Variants in RGS3 observed in about 807,000 individuals in gnomAD.
RGS3 encodes regulator of G-protein signalling 3.
RGS3 carries 80 observed loss-of-function variants against 132.6 expected under a neutral mutation model. That is an observed-to-expected ratio of 0.60 (90% confidence interval 0.50 to 0.73). The LOEUF is 0.73. Among genes scored for constraint, RGS3 ranks in the 30% least tolerant of loss-of-function variants. The pLI is 0.00. For missense variants in RGS3, 1,382 were observed against 1,530.8 expected, an observed-to-expected ratio of 0.90 and a Z score of 1.62; for synonymous variants, 598 against 620.6, an observed-to-expected ratio of 0.96 and a Z score of 0.54.
At chr9:113,450,903 G>A (rs1248755620) in intron 1 of RGS3, among the ~76,000 whole-genome samples, 1 of 152,152 alleles carries the variant, frequency 6.6e-6, no homozygotes, top group Non-Finnish European at 1.5e-5. Context: ...CCCCAGGCCG[G>A]GCACAGTGGC....
At chr9:113,461,494 A>G (rs1829469190) in intron 1 of RGS3, among the ~76,000 whole-genome samples, 1 of 152,184 alleles carries the variant, frequency 6.6e-6, no homozygotes, top group Non-Finnish European at 1.5e-5. Context: ...AGCTTCCAGC[A>G]CGCTACTGAG....
intron 19 of RGS3, among the ~76,000 whole-genome samples, chr9:113,560,661 G>A (rs1465311339): frequency 6.6e-6 from 1 of 152,236 alleles, no homozygotes; most frequent in East Asian, 1.9e-4. Context: ...CGACTCTGCA[G>A]TGGGGAGGGC....
At chr9:113,486,954 A>G (rs951109261) in intron 7 of RGS3, among the ~76,000 whole-genome samples, 1 of 152,138 alleles carries the variant, frequency 6.6e-6, no homozygotes, top group Non-Finnish European at 1.5e-5. Context: ...GGATGCATGC[A>G]TAGGGTCAAA....
intron 7 of RGS3, among the ~76,000 whole-genome samples, chr9:113,487,050 T>C (rs1242811766): frequency 7.0e-6 from 1 of 143,476 alleles, no homozygotes; most frequent in African/African-American, 2.5e-5. Flanking sequence ...AATTGCTGAC[T>C]GGGTGCTGAC....
At chr9:113,522,705 A>T (rs1564523304) in intron 16 of RGS3, 1 of 547,006 alleles carries the variant, frequency 1.8e-6, no homozygotes, top group East Asian at 3.1e-5. Flanking sequence ...TCCTACTTTG[A>T]GGAGTGGAAG....
chr9:113,479,621 G>GCA, intron 4 of RGS3, 80 bp downstream of exon 2: 1 of 1,305,946 alleles, frequency 7.7e-7, no homozygotes, highest in Non-Finnish European at 1.1e-6. Flanking sequence ...TTGGGGGATG[G>GCA]TGGCACCATG....
At chr9:113,595,919 G>A (rs908856669) in intron 24 of RGS3, among the ~76,000 whole-genome samples, 154 bp downstream of exon 22, 1 of 152,202 alleles carries the variant, frequency 6.6e-6, no homozygotes, top group Non-Finnish European at 1.5e-5. Flanking sequence ...CTAGGATCAG[G>A]GGAAGAACAG....
At chr9:113,542,740 G>A (rs750833592) in intron 19 of RGS3, among the ~76,000 whole-genome samples, 7 of 152,226 alleles carry the variant, frequency 4.6e-5, no homozygotes, top group Admixed American at 6.5e-5. Context: ...TGAGTGCTCA[G>A]CCTGGCCCAG....
rs532573793 is a variant in RGS3, at chr9:113,570,964, G to A, written c.2038-12486G>A. Among the ~76,000 whole-genome samples, 32 of 152,260 alleles carry A rather than the reference G, an allele frequency of 2.1e-4. No individual in the cohort carries two copies. The South Asian group carries it at 3.7e-3, about 18-fold the overall frequency. On this transcript the variant is annotated intron_variant, in intron 19 of 24. Coordinates refer to ENST00000350696, the Ensembl canonical transcript of RGS3. The stretch of plus-strand genomic sequence containing the variant: ...GTCCTGACTTCTCTCATCGATGAGC[G>A]TAGCCTATCCTTGAATTTTGTGTAA...
intron 10 of RGS3, among the ~76,000 whole-genome samples, chr9:113,500,528 A>C (rs1267863915): frequency 6.6e-6 from 1 of 151,996 alleles, no homozygotes; most frequent in Non-Finnish European, 1.5e-5. Context: ...CTGCTGTTTG[A>C]CCATAACCTC....
chr9:113,539,593 T>C (rs1239834909), intron 19 of RGS3, among the ~76,000 whole-genome samples: 1 of 152,280 alleles, frequency 6.6e-6, no homozygotes, highest in African/African-American at 2.4e-5. Flanking sequence ...CTGTGGATGC[T>C]CCACCTTCTG....
chr9:113,469,315 G>T (rs1829751626), intron 3 of RGS3, among the ~76,000 whole-genome samples: 1 of 152,042 alleles, frequency 6.6e-6, no homozygotes, highest in African/African-American at 2.4e-5. Flanking sequence ...CTGAGCCTGG[G>T]AGATTCCCTG....
intron 10 of RGS3, 79 bp from the exon 9 acceptor site, chr9:113,505,363 G>T: frequency 1.6e-6 from 2 of 1,264,762 alleles, no homozygotes; most frequent in East Asian, 2.4e-5. Flanking sequence ...TGGCAGGGGT[G>T]GGCTGTGGGC....
In RGS3 at chr9:113,505,591, C is replaced by T. The variant is rs1006177245; in HGVS notation, c.979+68C>T. ...CACATGTGGGCTTTGCAAACATAGTCTGGAACTAAAAGGGGAGCCCCAAAC... is the reference window on the plus strand; with the variant it reads ...CACATGTGGGCTTTGCAAACATAGTTTGGAACTAAAAGGGGAGCCCCAAAC... On this transcript the variant is annotated intron_variant, in intron 11 of 24. Coordinates refer to ENST00000350696, the Ensembl canonical transcript of RGS3. 15 of 1,311,124 alleles carry T rather than the reference C, an allele frequency of 1.1e-5. No homozygotes were observed. The African/African-American group carries it at 1.3e-4, about 11-fold the overall frequency. 81.2% of individuals were successfully genotyped at this position (1,311,124 alleles called of 1,614,324 possible).
intron 19 of RGS3, among the ~76,000 whole-genome samples, chr9:113,575,543 T>G (rs1398509536): frequency 6.6e-6 from 1 of 152,174 alleles, no homozygotes; most frequent in African/African-American, 2.4e-5. Context: ...GTCATGCCTC[T>G]TCTGCACAGG....
intron 19 of RGS3, among the ~76,000 whole-genome samples, chr9:113,549,033 GC>G (rs1342641735): frequency 1.3e-5 from 2 of 152,200 alleles, no homozygotes; most frequent in African/African-American, 4.8e-5. Context: ...TGGACTGTCT[GC>G]AGGGAGGGAG....
chr9:113,489,463 C>T (rs376694451), intron 7 of RGS3, among the ~76,000 whole-genome samples: 34 of 152,192 alleles, frequency 2.2e-4, no homozygotes, highest in African/African-American at 7.5e-4. Flanking sequence ...AAAGCATACT[C>T]TTTCTGTGTC....
rs771993908 is a variant in RGS3, at chr9:113,514,440, C to T, written c.1478-18C>T. ...GAGTGACGGAAATGTCTCATAGTCC[C>T]CCATCTCTGTTTCACAGAATCAGGG... On this transcript the variant is annotated intron_variant, in intron 14 of 24. Transcript: ENST00000350696. The T allele has an allele frequency of 4.4e-6, 7 of 1,607,654 alleles. No individual in the cohort carries two copies. In the East Asian group the frequency reaches 1.3e-4, roughly 31 times the overall value.
At chr9:113,456,676 A>G (rs1009167238), upstream of RGS3, among the ~76,000 whole-genome samples, 19 of 151,030 alleles carry the variant, frequency 1.3e-4, no homozygotes, top group African/African-American at 4.6e-4. Context: ...TATTCTAGCC[A>G]GAGCAATCTT....
Sources: allele counts gnomAD v4.1 joint callset (sites outside exome capture counted in the v4.1 genomes callset), GRCh38; gene constraint gnomAD v4.1.1; transcripts MANE v1.5; gene names NCBI Gene and HGNC (gene_info 2026-07-23, HGNC 2026-07-21).